SRCIN1: variants seen among roughly 807,000 people sequenced by gnomAD.
The protein encoded by SRCIN1 is P130Cas-associated protein.
In SRCIN1, 50 loss-of-function variants were observed where a neutral mutation model predicts 116.2. The ratio of observed to expected loss-of-function variants is 0.43; its 90% CI spans 0.34 to 0.54. The LOEUF (loss-of-function observed/expected upper bound fraction) is 0.54. SRCIN1 is among the 20% of genes least tolerant of loss of function. SRCIN1 has a pLI of 0.02. For missense variants in SRCIN1, 1,446 were observed against 1,672.0 expected (o/e 0.86, Z 2.36); for synonymous variants, 736 against 750.0 (o/e 0.98, Z 0.30).
At chr17:38,599,372 C>T (rs1258545428) in intron 1 of SRCIN1, among the ~76,000 whole-genome samples, 1 of 152,186 alleles carries the variant, frequency 6.6e-6, no homozygotes, top group African/African-American at 2.4e-5. Flanking sequence ...TTCTCCCTCT[C>T]CCGGAGCACT....
chr17:38,538,989 G>A (rs1904562698), intron 18 of SRCIN1, among the ~76,000 whole-genome samples: 2 of 152,186 alleles, frequency 1.3e-5, no homozygotes, highest in African/African-American at 4.8e-5. Context: ...AACACCCTCA[G>A]TACACATGCA....
In SRCIN1 at chr17:38,533,154, A is replaced by G; in HGVS notation, c.*143T>C. ...AACAGATGATGGGTAGGGGTCGCTG[A>G]GGAGGGCCGCACCCTCCTCTTCAGG... On this transcript the variant is annotated 3_prime_UTR_variant, in exon 19 of 19. Transcript: ENST00000617146. 2.3e-5 allele frequency: 15 copies of G among 642,206 alleles called. No individual in the cohort carries two copies. The highest frequency in any genetic ancestry group is 5.8e-5 in the East Asian group (1 of 17,256). The allele number at this position is 642,206 out of a possible 1,614,324, so 39.8% of individuals were successfully genotyped here.
At chr17:38,588,180 C>T (rs770228259) in intron 1 of SRCIN1, among the ~76,000 whole-genome samples, 3 of 152,172 alleles carry the variant, frequency 2.0e-5, no homozygotes, top group Non-Finnish European at 4.4e-5. Flanking sequence ...TGATCTACCC[C>T]GGAGCCCGAT....
intron 2 of SRCIN1, among the ~76,000 whole-genome samples, chr17:38,575,493 C>T (rs1452775645): frequency 1.3e-5 from 2 of 152,186 alleles, no homozygotes; most frequent in Non-Finnish European, 2.9e-5. Flanking sequence ...AAGGAATCCA[C>T]CTGCTTCAAC....
At chr17:38,587,727 C>T (rs1283187463) in intron 1 of SRCIN1, among the ~76,000 whole-genome samples, 1 of 152,142 alleles carries the variant, frequency 6.6e-6, no homozygotes, top group Non-Finnish European at 1.5e-5. Context: ...AGAAACACCG[C>T]AGCAGCCCGG....
At chr17:38,606,071 A>AG (rs1463434658), upstream of SRCIN1, 576 of 129,222 alleles carry the variant, frequency 4.5e-3, 5 homozygotes, top group African/African-American at 0.016. This position sits in a 1 kb window ranked among gnomAD's most constrained non-coding sequence, Gnocchi z 5.2. Context: ...GGGGGAGGGG[A>AG]GGGGGCACTG....
rs911810802 is a variant in SRCIN1, at chr17:38,537,094, C to T, written c.3418-3663G>A. 4.6e-5 allele frequency among the ~76,000 whole-genome samples: 7 copies of T among 151,998 alleles called. No homozygotes were observed. The East Asian group carries it at 9.6e-4, about 21-fold the overall frequency. ...CTGGGAGGCTGAGGCAGGAAGATCGCTTGAATCAGGGAGGTGGAGGTTGCA... is the reference window on the plus strand; with the variant it reads ...CTGGGAGGCTGAGGCAGGAAGATCGTTTGAATCAGGGAGGTGGAGGTTGCA... On this transcript the variant is annotated intron_variant, in intron 18 of 18. Transcript: ENST00000617146.
At chr17:38,557,315 T>G (rs924903507) in intron 11 of SRCIN1, among the ~76,000 whole-genome samples, 1 of 152,168 alleles carries the variant, frequency 6.6e-6, no homozygotes, top group Non-Finnish European at 1.5e-5. Context: ...CTCAACCCCT[T>G]GTTGAAAAGA....
chr17:38,575,610 C>A (rs1475599820), intron 2 of SRCIN1, among the ~76,000 whole-genome samples: 2 of 152,162 alleles, frequency 1.3e-5, no homozygotes, highest in African/African-American at 4.8e-5. Context: ...TTACCATCTC[C>A]CCTTCCCCAG....
At position 38,585,198 on chromosome 17, in the gene SRCIN1, G is replaced by A. The variant is rs1721348785; in HGVS notation, c.23-6407C>T. Among the ~76,000 whole-genome samples, 1 of 152,196 alleles carries A rather than the reference G, an allele frequency of 6.6e-6. No homozygotes were observed. Among genetic ancestry groups the A allele is most frequent in the Admixed American group, 6.5e-5 (1 of 15,282 alleles). On this transcript the variant is annotated intron_variant, in intron 1 of 18. Coordinates refer to ENST00000617146, the MANE Select transcript of SRCIN1 (RefSeq NM_025248.3). The surrounding 1 kb of genome is among the most constrained non-coding windows in gnomAD (Gnocchi z 4.2). ...AGCCCACAGGACATGGGGCTAGGCA[G>A]GGCAGCAGGAGAGGAGCATGGAGAC...
At position 38,604,051 on chromosome 17, in the gene SRCIN1, G is replaced by A. The variant is rs1485466750; in HGVS notation, c.22+1633C>T. Among the ~76,000 whole-genome samples, 2 of 152,088 alleles carry A rather than the reference G, an allele frequency of 1.3e-5. No individual in the cohort carries two copies. Among genetic ancestry groups the A allele is most frequent in the Non-Finnish European group, 2.9e-5 (2 of 68,024 alleles). On this transcript the variant is annotated intron_variant, in intron 1 of 18. Coordinates refer to ENST00000617146, the MANE Select transcript of SRCIN1 (RefSeq NM_025248.3). The surrounding 1 kb of genome is among the most constrained non-coding windows in gnomAD (Gnocchi z 4.3). ...GACAGCCTCACAATCTCCATCAAAT[G>A]CATCATCAATTTTTAAAGATCAACA...
intron 1 of SRCIN1, 28 bp from the exon 2 acceptor site, chr17:38,578,819 G>A: frequency 6.9e-7 from 1 of 1,455,142 alleles, no homozygotes; most frequent in Non-Finnish European, 9.0e-7. Context: ...GGCACGGCTG[G>A]GTCACGGCGC....
At chr17:38,535,333 C>T (rs547328665) in intron 18 of SRCIN1, among the ~76,000 whole-genome samples, 10 of 151,576 alleles carry the variant, frequency 6.6e-5, no homozygotes, top group East Asian at 1.9e-4. Context: ...CTCAGCCTCC[C>T]GAGTAGCTGG....
intron 18 of SRCIN1, among the ~76,000 whole-genome samples, chr17:38,538,786 C>A (rs938295134): frequency 3.9e-5 from 6 of 152,110 alleles, no homozygotes; most frequent in African/African-American, 1.4e-4. Context: ...GCAACAGAAT[C>A]CAGCACTAAG....
At chr17:38,545,528 A>C in intron 17 of SRCIN1, 1 of 152,816 alleles carries the variant, frequency 6.5e-6, no homozygotes, top group Non-Finnish European at 1.5e-5. Context: ...AATGGGTGTT[A>C]CAGTTAGGTG....
At chr17:38,586,057 C>T (rs12602048) in intron 1 of SRCIN1, among the ~76,000 whole-genome samples, 7,588 of 152,254 alleles carry the variant, frequency 0.05, 208 homozygotes, top group Middle Eastern at 0.082. Context: ...GGGAAGGGAG[C>T]CCACTGGACA....
chr17:38,606,671 C>G (rs1350535564), upstream of SRCIN1, among the ~76,000 whole-genome samples: 1 of 152,214 alleles, frequency 6.6e-6, no homozygotes, highest in Admixed American at 6.5e-5. This position sits in a 1 kb window ranked among gnomAD's most constrained non-coding sequence, Gnocchi z 5.2. Context: ...TTGGCGGCGT[C>G]ACTGCCGCCT....
chr17:38,557,767 C>T (rs2075051), intron 11 of SRCIN1, among the ~76,000 whole-genome samples: 41,761 of 152,146 alleles, frequency 0.27, 6,284 homozygotes, highest in East Asian at 0.58. Context: ...TATATCTGGA[C>T]TCAGAGATCA....
At chr17:38,560,224 G>A in intron 8 of SRCIN1, 109 bp downstream of exon 8, 1 of 1,403,392 alleles carries the variant, frequency 7.1e-7, no homozygotes, top group Admixed American at 2.3e-5. Flanking sequence ...AGAAGGGAAG[G>A]GATTCACCCA....
Sources: gnomAD v4.1 joint callset for allele counts (sites outside exome capture counted in the v4.1 genomes callset) on GRCh38, gnomAD v4.1.1 for gene constraint, Gnocchi (gnomAD v3.1) non-coding constraint, MANE v1.5 for transcripts, NCBI Gene and HGNC (gene_info 2026-07-23, HGNC 2026-07-21) for gene names.